The following ERCC5 variants were observed in gnomAD, a reference collection of about 807,000 sequenced individuals.
ERCC5 encodes ERCC excision repair 5, endonuclease.
Under a neutral mutation model 105.6 loss-of-function variants are expected in ERCC5, and 68 were observed. That is an observed-to-expected ratio of 0.64 (90% CI 0.53 to 0.79). ERCC5 has a LOEUF of 0.79. Among genes scored for constraint, ERCC5 ranks in the 30% least tolerant of loss-of-function variants. The pLI, the probability that ERCC5 is intolerant of heterozygous loss-of-function variation, is 0.00. For missense variants in ERCC5, 1,373 were observed against 1,426.7 expected (o/e 0.96, Z 0.61); for synonymous variants, 546 against 526.2 (o/e 1.04, Z -0.51).
chr13:102,864,707 T>C (rs1248746539), intron 8 of ERCC5: 1 of 152,204 alleles, frequency 6.6e-6, no homozygotes, highest in East Asian at 1.9e-4. Context: ...CAGTGGAGCA[T>C]GGGGTTTAGA....
At chr13:102,874,791 G>A (rs4150378) in intron 14 of ERCC5, 12,900 of 156,952 alleles carry the variant, frequency 0.082, 964 homozygotes, top group East Asian at 0.4. Context: ...GAGTGCTGGG[G>A]TTACAGGCGT....
In ERCC5 at chr13:102,862,483, C is replaced by A. The variant is rs767062445; in HGVS notation, c.1334C>A (p.Thr445Lys). Residue 445 changes from threonine to lysine, a missense_variant, in exon 8 of 15, where the codon ACA (threonine) becomes AAA (lysine). Thr to Lys is a moderately conservative substitution (Grantham distance 78, BLOSUM62 -1). Transcript: ENST00000652225. ...GGAAAAGGAATACCGTTTACTGCAA[C>A]ACTTGCGTCATCTAGTGTGAACTCT... ...RDGKGIPFTA[T>K]LASSSVNSAE... The A allele has an allele frequency of 6.2e-7, 1 of 1,613,946 alleles. No individual in the cohort carries two copies. Among genetic ancestry groups the A allele is most frequent in the African/African-American group, 1.3e-5 (1 of 74,848 alleles).
At position 102,865,394 on chromosome 13, in the gene ERCC5, T is replaced by C. The variant is rs1398645144; in HGVS notation, c.1955-273T>C. 4 of 407,166 alleles carry C rather than the reference T, an allele frequency of 9.8e-6. No individual in the cohort carries two copies. The highest frequency in any genetic ancestry group is 1.4e-5 in the Non-Finnish European group (3 of 217,092). 25.2% of individuals were successfully genotyped at this position (407,166 alleles called of 1,614,324 possible). On this transcript the variant is annotated intron_variant, in intron 8 of 14. Transcript: ENST00000652225. This position sits in a 1 kb window ranked among gnomAD's most constrained non-coding sequence, Gnocchi z 4.0. ...ACAATGTCAGTTAACTTAGAACATA[T>C]TTATATAAAGCGAATATACAAATCT...
In ERCC5 at chr13:102,875,953, A is replaced by T; in HGVS notation, c.*50A>T. 6.3e-7 allele frequency: 1 copy of T among 1,590,532 alleles called. No homozygotes were observed. Among genetic ancestry groups the T allele is most frequent in the South Asian group, 1.1e-5 (1 of 89,864 alleles). On this transcript the variant is annotated 3_prime_UTR_variant, in exon 15 of 15. Coordinates refer to ENST00000652225, the MANE Select transcript of ERCC5 (RefSeq NM_000123.4). ...TTAGTTATGACAGCCATTTGTAATG[A>T]ATTTGTCGCAAAGACGTAATAAAAT...
intron 1 of ERCC5, 79 bp downstream of exon 1, chr13:102,846,433 G>A: frequency 1.6e-6 from 2 of 1,252,332 alleles, no homozygotes; most frequent in Non-Finnish European, 2.3e-6. Flanking sequence ...CTTGGGCACA[G>A]TGGCATCTGC....
chr13:102,875,655 G>A lies in ERCC5; in HGVS notation c.3313G>A (p.Ala1105Thr). ...ATCTGATGGATCTTCAAGTGAAGATGCTGAAAGTTCATCTTTAATGAATGT... is the reference window on the plus strand; with the variant it reads ...ATCTGATGGATCTTCAAGTGAAGATACTGAAAGTTCATCTTTAATGAATGT... ...ESSDGSSSED[A>T]ESSSLMNVQR... Residue 1105 changes from alanine (A) to threonine (T), a missense_variant, in exon 15 of 15, where the codon GCT (alanine) becomes ACT (threonine). Ala to Thr is a moderately conservative substitution (Grantham distance 58). Transcript: ENST00000652225. The A allele has an allele frequency of 3.7e-6, 6 of 1,614,146 alleles. No homozygotes were observed. Among genetic ancestry groups the A allele is most frequent in the Non-Finnish European group, 5.1e-6 (6 of 1,180,002 alleles).
chr13:102,862,201 C>A lies in ERCC5; in HGVS notation c.1052C>A (p.Ala351Asp), dbSNP rs750040181. ...SPRTLLAMQA[A>D]LLGSSSEEEL... ...AGAACTTTACTAGCTATGCAAGCTGCCCTGCTGGGAAGTAGCTCAGAAGAG... is the reference window on the plus strand; with the variant it reads ...AGAACTTTACTAGCTATGCAAGCTGACCTGCTGGGAAGTAGCTCAGAAGAG... The change falls in exon 8 of 15, where the codon GCC becomes GAC. Residue 351 changes from alanine to aspartate, a missense_variant. Ala to Asp is a moderately radical substitution (Grantham distance 126). Coordinates refer to ENST00000652225, the MANE Select transcript of ERCC5 (RefSeq NM_000123.4). 1 of 1,614,136 alleles carries A rather than the reference C, an allele frequency of 6.2e-7. No homozygotes were observed. Among genetic ancestry groups the A allele is most frequent in the South Asian group, 1.1e-5 (1 of 91,084 alleles).
At chr13:102,861,388 T>A (rs529163300) in intron 6 of ERCC5, 119 bp from the exon 7 acceptor site, 156 of 1,017,472 alleles carry the variant, frequency 1.5e-4, no homozygotes, top group Middle Eastern at 6.4e-4. Flanking sequence ...AATATGAAAC[T>A]ACCATCAATG....
At position 102,875,891 on chromosome 13, in the gene ERCC5, A is replaced by G. The variant is rs1883207876; in HGVS notation, c.3549A>G (p.Lys1183=). 2.5e-6 allele frequency: 4 copies of G among 1,607,484 alleles called. No homozygotes were observed. The highest frequency in any genetic ancestry group is 3.4e-6 in the Non-Finnish European group (4 of 1,179,930). ...RRKLRRARGR[K]RKT is the part of the protein sequence containing the mutation. Reference sequence around the variant, plus strand: ...AACTAAGACGTGCGAGGGGAAGAAAAAGGAAAACCTAATTAAAAAATATGT... The same window carrying G: ...AACTAAGACGTGCGAGGGGAAGAAAGAGGAAAACCTAATTAAAAAATATGT... Residue 1183 remains lysine, a synonymous_variant, in exon 15 of 15, where the codon AAA becomes AAG. Coordinates refer to ENST00000652225, the MANE Select transcript of ERCC5 (RefSeq NM_000123.4).
In ERCC5 at chr13:102,866,362, A is replaced by G. The variant is rs1400488011; in HGVS notation, c.2300A>G (p.Gln767Arg). The G allele has an allele frequency of 1.9e-6, 3 of 1,614,196 alleles. No individual in the cohort carries two copies. Among genetic ancestry groups the G allele is most frequent in the Admixed American group, 3.3e-5 (2 of 60,030 alleles). The change falls in exon 10 of 15, where the codon CAG (glutamine) becomes CGG (arginine). Residue 767 changes from glutamine (Q) to arginine (R), a missense_variant. Physicochemically the swap from Gln to Arg is conservative, Grantham distance 43. Transcript: ENST00000652225. ...CGGATCGCTGCTACTGTCACCGGAC[A>G]GATGTTCCTGGAAAGCCAGGTGGGT... ...QERIAATVTG[Q>R]MFLESQELLR... is the part of the protein sequence containing the mutation.
chr13:102,865,605 T>G lies in ERCC5; in HGVS notation c.1955-62T>G. 6.2e-7 allele frequency: 1 copy of G among 1,600,144 alleles called. No individual in the cohort carries two copies. The highest frequency in any genetic ancestry group is 8.5e-7 in the Non-Finnish European group (1 of 1,173,716). ...TCAGGTTCCTCCAGAAAGCTCTTGA[T>G]GATTGCAGGATCATTTTAATGTTTT... On this transcript the variant is annotated intron_variant, in intron 8 of 14. Transcript: ENST00000652225. The surrounding 1 kb of genome is among the most constrained non-coding windows in gnomAD (Gnocchi z 4.0).
intron 4 of ERCC5, among the ~76,000 whole-genome samples, chr13:102,855,400 C>T (rs911950097): frequency 2.0e-5 from 3 of 152,054 alleles, no homozygotes; most frequent in Admixed American, 1.3e-4. Context: ...CAGGCACGTG[C>T]CACCACACCT....
chr13:102,852,502 A>G (rs1166306424), intron 2 of ERCC5, among the ~76,000 whole-genome samples: 2 of 152,230 alleles, frequency 1.3e-5, no homozygotes, highest in Non-Finnish European at 2.9e-5. Flanking sequence ...TACAATGATA[A>G]AATTTAACTT....
At chr13:102,872,523 C>G in intron 13 of ERCC5, 125 bp downstream of exon 13, 1 of 1,165,998 alleles carries the variant, frequency 8.6e-7, no homozygotes, top group Non-Finnish European at 1.2e-6. Context: ...TCTTAATATC[C>G]CGCTCTCCTT....
intron 1 of ERCC5, among the ~76,000 whole-genome samples, chr13:102,850,280 G>A (rs1286892072): frequency 6.6e-6 from 1 of 152,142 alleles, no homozygotes; most frequent in Non-Finnish European, 1.5e-5. Context: ...CATCTAGACT[G>A]AGGAGGGGAC....
At chr13:102,870,007 T>G (rs1296718489) in intron 12 of ERCC5, among the ~76,000 whole-genome samples, 1 of 152,240 alleles carries the variant, frequency 6.6e-6, no homozygotes, top group Admixed American at 6.5e-5. Flanking sequence ...GCCTTCGCTC[T>G]GCCTGGCTCA....
In ERCC5 at chr13:102,858,339, CT is replaced by C; in HGVS notation, c.594del (p.Glu199LysfsTer2). ...TCTGAGGACTTCAGCAGCCTGCCCC[CT>C]GAAGTAAAGCATGAAATCTTGACTG... The part of the protein sequence containing the change: ...IESEDFSSLP[P>X]EVKHEILTDM... On this transcript the variant is annotated frameshift_variant, in exon 6 of 15. Coordinates refer to ENST00000652225, the MANE Select transcript of ERCC5 (RefSeq NM_000123.4). LOFTEE classifies it high-confidence loss of function. 2 of 1,614,162 alleles carry C rather than the reference CT, an allele frequency of 1.2e-6. No homozygotes were observed. Among genetic ancestry groups the C allele is most frequent in the East Asian group, 2.2e-5 (1 of 44,862 alleles).
Position 102,868,122 on chromosome 13 carries a change from G to C in ERCC5, c.2543G>C (p.Arg848Pro), listed in dbSNP as rs1187994214. 1 of 1,613,762 alleles carries C rather than the reference G, an allele frequency of 6.2e-7. No individual in the cohort carries two copies. Among genetic ancestry groups the C allele is most frequent in the African/African-American group, 1.3e-5 (1 of 74,870 alleles). Residue 848 changes from arginine to proline, a missense_variant, in exon 12 of 15, where the codon CGG (arginine) becomes CCG (proline). This residue lies in a region of ERCC5 where 1,004 missense variants were observed against 1,059.7 expected (regional missense o/e 0.95). Transcript: ENST00000652225. ...VDFHNQLGLD[R>P]NKLINLAYLL... Reference sequence around the variant, plus strand: ...TATTGTTACTCTTTAGGATTGGACCGGAATAAGTTAATAAATTTGGCTTAT... The same window carrying C: ...TATTGTTACTCTTTAGGATTGGACCCGAATAAGTTAATAAATTTGGCTTAT...
chr13:102,874,766 C>T (rs1193664730), intron 14 of ERCC5: 4 of 154,148 alleles, frequency 2.6e-5, no homozygotes, highest in South Asian at 4.0e-4. Context: ...GTGATCCACC[C>T]ACCTCGGCCT....
Sources: gnomAD v4.1 joint callset for allele counts (sites outside exome capture counted in the v4.1 genomes callset) on GRCh38, gnomAD v4.1.1 for gene constraint, gnomAD v4.1.1 regional missense constraint, Gnocchi (gnomAD v3.1) non-coding constraint, MANE v1.5 for transcripts, NCBI Gene and HGNC (gene_info 2026-07-23, HGNC 2026-07-21) for gene names.